The following NEDD4L variants were observed in gnomAD, a reference collection of about 807,000 sequenced individuals.
NEDD4L encodes the protein E3 ubiquitin-protein ligase NEDD4-like.
A neutral mutation model predicts 148.9 loss-of-function variants in NEDD4L; 54 were observed. The ratio of observed to expected loss-of-function variants is 0.36; its 90% CI spans 0.29 to 0.45. NEDD4L has a LOEUF of 0.45. Among genes scored for constraint, NEDD4L ranks in the 20% least tolerant of loss-of-function variants. The pLI is 1.00. For synonymous variants in NEDD4L, 433 were observed against 440.7 expected, an observed-to-expected ratio of 0.98 and a Z score of 0.22; for missense variants, 856 against 1,233.8, an observed-to-expected ratio of 0.69 and a Z score of 4.59.
At chr18:58,381,002 A>G (rs2048267440) in intron 24 of NEDD4L, among the ~76,000 whole-genome samples, 1 of 152,154 alleles carries the variant, frequency 6.6e-6, no homozygotes, top group Non-Finnish European at 1.5e-5. Flanking sequence ...AGGCTATTTT[A>G]GTATTTTCTA....
chr18:58,341,891 T>A (rs1175730667), intron 15 of NEDD4L, 94 bp downstream of exon 15: 13 of 1,395,070 alleles, frequency 9.3e-6, no homozygotes, highest in Non-Finnish European at 1.3e-5. Flanking sequence ...CGCAGCCACC[T>A]CCTCTCTCTG....
chr18:58,383,640 C>CG (rs1233072675), intron 25 of NEDD4L, among the ~76,000 whole-genome samples: 1 of 152,158 alleles, frequency 6.6e-6, no homozygotes, highest in East Asian at 1.9e-4. Flanking sequence ...CGGAGAACCA[C>CG]GGTGTCAGTG....
chr18:58,134,908 TGGAGTA>T (rs1380882988), intron 1 of NEDD4L, among the ~76,000 whole-genome samples: 1 of 151,860 alleles, frequency 6.6e-6, no homozygotes, highest in Non-Finnish European at 1.5e-5. Context: ...GAAAGGGTGA[TGGAGTA>T]GGAGGGATTT....
intron 1 of NEDD4L, among the ~76,000 whole-genome samples, chr18:58,060,060 C>T (rs1328096976): frequency 1.4e-5 from 2 of 146,496 alleles, no homozygotes; most frequent in Non-Finnish European, 3.0e-5. Context: ...CTTGAACAAG[C>T]AGTCCGGTTG....
At chr18:58,367,890 T>C (rs751374120) in intron 22 of NEDD4L, 23 bp downstream of exon 22, 48 of 1,613,592 alleles carry the variant, frequency 3.0e-5, no homozygotes, top group Admixed American at 1.3e-4. Context: ...GTAATAAAAA[T>C]AGGTCAGTGC....
intron 16 of NEDD4L, among the ~76,000 whole-genome samples, chr18:58,345,929 TG>T (rs141220759): frequency 0.2 from 29,538 of 147,712 alleles, 3,394 homozygotes; most frequent in African/African-American, 0.29. Flanking sequence ...TTTTGTTTTT[TG>T]TTTTTTTTAG....
intron 19 of NEDD4L, among the ~76,000 whole-genome samples, chr18:58,363,701 G>A (rs1292695012): frequency 6.6e-6 from 1 of 152,098 alleles, no homozygotes; most frequent in African/African-American, 2.4e-5. Context: ...CCTTGCCCAA[G>A]ACCACTAAAT....
At chr18:58,206,933 A>G (rs946436551) in intron 2 of NEDD4L, among the ~76,000 whole-genome samples, 2 of 152,184 alleles carry the variant, frequency 1.3e-5, no homozygotes, top group African/African-American at 4.8e-5. Flanking sequence ...GGACGATCCA[A>G]AGGCACTCAG....
At chr18:58,293,027 A>C (rs907084824) in intron 5 of NEDD4L, among the ~76,000 whole-genome samples, 1 of 152,166 alleles carries the variant, frequency 6.6e-6, no homozygotes, top group African/African-American at 2.4e-5. Flanking sequence ...CTAAAGTTGT[A>C]TTTTTCTCTC....
At chr18:58,184,894 C>T (rs2039286583) in intron 2 of NEDD4L, among the ~76,000 whole-genome samples, 2 of 151,712 alleles carry the variant, frequency 1.3e-5, no homozygotes, top group African/African-American at 4.9e-5. Context: ...CACCACTGCA[C>T]TCCAGCCTGG....
chr18:58,082,102 A>ATATATATATATATATATATATTTTTT, intron 1 of NEDD4L, among the ~76,000 whole-genome samples: 1 of 48,856 alleles, frequency 2.0e-5, no homozygotes, highest in African/African-American at 1.3e-4. Flanking sequence ...ATATATATAT[A>ATATATATATATATATATATATTTTTT]TTTTTTTTTT....
chr18:58,393,622 G>A lies in NEDD4L; in HGVS notation c.2825+2063G>A, dbSNP rs192865956. ...CAAGCAACACTGGCTAGCATGAGTG[G>A]GACTGTTCTGCTGTTTCTTCTAAAT... On this transcript the variant is annotated intron_variant, in intron 30 of 30. Coordinates refer to ENST00000400345, the MANE Select transcript of NEDD4L (RefSeq NM_001144967.3). Among the ~76,000 whole-genome samples, 122 of 152,284 alleles carry A rather than the reference G, an allele frequency of 8.0e-4. 2 individuals carry two copies. In the East Asian group the frequency reaches 0.019, roughly 24 times the overall value.
At chr18:58,082,697 G>A (rs140653013) in intron 1 of NEDD4L, among the ~76,000 whole-genome samples, 3 of 151,478 alleles carry the variant, frequency 2.0e-5, no homozygotes, top group Non-Finnish European at 4.4e-5. Flanking sequence ...GCTTGAACCT[G>A]GGAAGCGGAG....
At chr18:58,274,455 C>T (rs2051558812) in intron 5 of NEDD4L, among the ~76,000 whole-genome samples, 1 of 152,152 alleles carries the variant, frequency 6.6e-6, no homozygotes, top group African/African-American at 2.4e-5. Context: ...GGAGGGCAGC[C>T]ATGCACAGGT....
chr18:58,127,745 G>A (rs961829402), intron 1 of NEDD4L, among the ~76,000 whole-genome samples: 1 of 150,114 alleles, frequency 6.7e-6, no homozygotes, highest in African/African-American at 2.5e-5. Flanking sequence ...GGAGGCTGAG[G>A]CAGGAGAATG....
At chr18:58,273,700 C>T (rs2051418816) in intron 5 of NEDD4L, among the ~76,000 whole-genome samples, 1 of 152,288 alleles carries the variant, frequency 6.6e-6, no homozygotes, top group South Asian at 2.1e-4. Context: ...ATTAAGGCAA[C>T]GTGACCATGT....
At chr18:58,126,024 A>G (rs957024077) in intron 1 of NEDD4L, among the ~76,000 whole-genome samples, 7 of 152,172 alleles carry the variant, frequency 4.6e-5, no homozygotes, top group African/African-American at 1.7e-4. Context: ...TTTGGTCAGA[A>G]CGCCCTTCGC....
intron 5 of NEDD4L, among the ~76,000 whole-genome samples, chr18:58,293,942 C>T (rs1289013760): frequency 6.6e-6 from 1 of 152,066 alleles, no homozygotes; most frequent in Non-Finnish European, 1.5e-5. Context: ...AGGCTGATCT[C>T]GAACTCCTGG....
In NEDD4L at chr18:58,348,910, G is replaced by A. The variant is rs201400732; in HGVS notation, c.1576-627G>A. Among the ~76,000 whole-genome samples, 290 of 152,166 alleles carry A rather than the reference G, an allele frequency of 1.9e-3. 5 individuals are homozygous for A. Among genetic ancestry groups the A allele is most frequent in the African/African-American group, 6.6e-3 (273 of 41,510 alleles). On this transcript the variant is annotated intron_variant, in intron 16 of 30. Transcript: ENST00000400345. The stretch of plus-strand genomic sequence containing the variant: ...AATTTTGTAAACGTTTAAATATTAA[G>A]ACATAAATGAGAACTTAATCTGCAG...
Sources: gnomAD v4.1 joint callset for allele counts (sites outside exome capture counted in the v4.1 genomes callset) on GRCh38, gnomAD v4.1.1 for gene constraint, MANE v1.5 for transcripts, NCBI Gene and HGNC (gene_info 2026-07-23, HGNC 2026-07-21) for gene names.